Variants in HNF4G observed in about 807,000 individuals in gnomAD.
The protein encoded by HNF4G is hepatocyte nuclear factor 4-gamma.
A neutral mutation model predicts 50.9 loss-of-function variants in HNF4G; 21 were observed. That is an observed-to-expected ratio of 0.41 (90% confidence interval 0.29 to 0.59). The LOEUF is 0.59. HNF4G is among the 20% of genes least tolerant of loss of function. HNF4G has a pLI of 0.26. For synonymous variants in HNF4G, 198 were observed against 185.6 expected, an observed-to-expected ratio of 1.07 and a Z score of -0.54; for missense variants, 527 against 559.4, an observed-to-expected ratio of 0.94 and a Z score of 0.58.
At position 75,539,915 on chromosome 8, in the gene HNF4G, C is replaced by A; in HGVS notation, c.-48C>A. 1.2e-6 allele frequency: 1 copy of A among 845,802 alleles called. No individual in the cohort carries two copies. Among genetic ancestry groups the A allele is most frequent in the South Asian group, 1.4e-5 (1 of 72,266 alleles). 52.4% of individuals were successfully genotyped at this position (845,802 alleles called of 1,614,324 possible). A position where few individuals can be genotyped will look rare whatever the true frequency, so the allele number is the denominator to read the frequency against. Reference sequence around the variant, plus strand: ...AAGCAAAACACATCAAAACACTCATCACGCACTCTGGGCTTGTGGTGCCAC... The same window carrying A: ...AAGCAAAACACATCAAAACACTCATAACGCACTCTGGGCTTGTGGTGCCAC... On this transcript the variant is annotated 5_prime_UTR_variant, in exon 1 of 10. Transcript: ENST00000396423.
rs780868135 is a variant in HNF4G at position 75,558,638 on chromosome 8, C to T, written c.854C>T (p.Ala285Val). The change falls in exon 7 of 10, where the codon GCT (alanine) becomes GTT (valine). Residue 285 changes from alanine to valine, a missense_variant. Ala to Val is a moderately conservative substitution (Grantham distance 64). Coordinates refer to ENST00000396423, the MANE Select transcript of HNF4G (RefSeq NM_004133.5). Reference sequence around the variant, plus strand: ...ATCCAGATTGATGACAATGAGTATGCTTGTTTAAAGGCAATTGTATTTTTT... The same window carrying T: ...ATCCAGATTGATGACAATGAGTATGTTTGTTTAAAGGCAATTGTATTTTTT... ...QEIQIDDNEY[A>V]CLKAIVFFDP... The T allele has an allele frequency of 1.9e-6, 3 of 1,613,742 alleles. No individual in the cohort carries two copies. The highest frequency in any genetic ancestry group is 2.5e-6 in the Non-Finnish European group (3 of 1,179,864).
intron 1 of HNF4G, among the ~76,000 whole-genome samples, chr8:75,434,859 C>G (rs560130824): frequency 1.3e-5 from 2 of 152,118 alleles, no homozygotes; most frequent in Non-Finnish European, 2.9e-5. Flanking sequence ...TCAAAAATAA[C>G]ATTTGAAGAA....
intron 2 of HNF4G, among the ~76,000 whole-genome samples, chr8:75,522,024 T>A (rs921604963): frequency 6.6e-6 from 1 of 152,206 alleles, no homozygotes; most frequent in African/African-American, 2.4e-5. Flanking sequence ...TTTCAACTTA[T>A]GATGAGTTTA....
At chr8:75,492,189 A>C (rs1812647495) in intron 2 of HNF4G, among the ~76,000 whole-genome samples, 1 of 152,108 alleles carries the variant, frequency 6.6e-6, no homozygotes, top group South Asian at 2.1e-4. Flanking sequence ...CAATGTTTCA[A>C]GGCCCAGTTC....
upstream of HNF4G, chr8:75,407,965 G>T (rs1168240099): frequency 6.6e-6 from 1 of 152,036 alleles, no homozygotes; most frequent in Non-Finnish European, 1.5e-5. Context: ...GCCCGCGCAG[G>T]TAAGTTTCTC....
At chr8:75,528,177 A>T (rs1806230638) in intron 2 of HNF4G, among the ~76,000 whole-genome samples, 1 of 152,162 alleles carries the variant, frequency 6.6e-6, no homozygotes. Context: ...AAATGAGGGC[A>T]AGTCCATGGA....
chr8:75,492,091 C>T (rs1299814358), intron 2 of HNF4G, among the ~76,000 whole-genome samples: 2 of 152,208 alleles, frequency 1.3e-5, no homozygotes, highest in East Asian at 1.9e-4. Flanking sequence ...TCCTTACATA[C>T]TGAAGGTAAT....
intron 1 of HNF4G, among the ~76,000 whole-genome samples, chr8:75,466,399 G>A (rs1436481306): frequency 1.3e-5 from 2 of 151,804 alleles, no homozygotes. Flanking sequence ...AGACTGTGCT[G>A]CTGAATTTTA....
intron 1 of HNF4G, among the ~76,000 whole-genome samples, chr8:75,486,941 G>C (rs1212660803): frequency 6.6e-6 from 1 of 152,162 alleles, no homozygotes; most frequent in Non-Finnish European, 1.5e-5. Flanking sequence ...GATCGAGGCG[G>C]CAGTGAGCCG....
intron 1 of HNF4G, among the ~76,000 whole-genome samples, chr8:75,408,855 G>A (rs1585815512): frequency 6.6e-6 from 1 of 152,152 alleles, no homozygotes; most frequent in Admixed American, 6.5e-5. Context: ...GGGATGTCCC[G>A]GAAACTAAAC....
At chr8:75,519,457 T>C (rs1805979433) in intron 2 of HNF4G, among the ~76,000 whole-genome samples, 1 of 152,212 alleles carries the variant, frequency 6.6e-6, no homozygotes, top group South Asian at 2.1e-4. Flanking sequence ...TATTAACCTG[T>C]TCTCATACTG....
chr8:75,500,776 G>A (rs1309539505), intron 2 of HNF4G, among the ~76,000 whole-genome samples: 1 of 152,078 alleles, frequency 6.6e-6, no homozygotes, highest in East Asian at 1.9e-4. Context: ...ACAAAATATT[G>A]TACAATTCCC....
intron 6 of HNF4G, among the ~76,000 whole-genome samples, chr8:75,557,842 A>T (rs982694227): frequency 6.6e-6 from 1 of 152,132 alleles, no homozygotes; most frequent in African/African-American, 2.4e-5. Flanking sequence ...AGCTATAAAA[A>T]TTTTCATCAT....
chr8:75,454,638 C>A (rs560781004), intron 1 of HNF4G, among the ~76,000 whole-genome samples: 1 of 152,294 alleles, frequency 6.6e-6, no homozygotes, highest in African/African-American at 2.4e-5. Flanking sequence ...GCCTCTTCTC[C>A]CTATTTGCTC....
intron 1 of HNF4G, among the ~76,000 whole-genome samples, chr8:75,482,386 G>C (rs553826118): frequency 2.7e-5 from 4 of 150,850 alleles, no homozygotes; most frequent in African/African-American, 9.7e-5. Flanking sequence ...TCCATTTTTA[G>C]AAGGAGTCTC....
rs145137527 is a variant in HNF4G at position 75,472,114 on chromosome 8, C to T, written c.-143-17975C>T. ...TTGAAAGTGTTTCCCTTTCTTTCAT[C>T]CTTCCTCCCTACCTCTTACCACTCC... is the stretch of plus-strand genomic sequence containing the variant. On this transcript the variant is annotated intron_variant, in intron 1 of 10. Coordinates refer to the HNF4G transcript ENST00000354370. Among the ~76,000 whole-genome samples the T allele has an allele frequency of 4.3e-3, 654 of 152,206 alleles. 4 individuals are homozygous for T. Among genetic ancestry groups the T allele is most frequent in the Non-Finnish European group, 5.6e-3 (379 of 68,008 alleles).
chr8:75,519,351 C>T (rs1405733433), intron 2 of HNF4G, among the ~76,000 whole-genome samples: 1 of 152,244 alleles, frequency 6.6e-6, no homozygotes, highest in African/African-American at 2.4e-5. Flanking sequence ...GCCCTCCAAA[C>T]TGTTCCAGCC....
At chr8:75,462,628 TTAA>T (rs1462314672) in intron 1 of HNF4G, among the ~76,000 whole-genome samples, 1 of 152,220 alleles carries the variant, frequency 6.6e-6, no homozygotes, top group African/African-American at 2.4e-5. Context: ...TATTTTGATA[TTAA>T]TATGTCAATA....
intron 2 of HNF4G, among the ~76,000 whole-genome samples, chr8:75,544,770 C>T (rs1312796700): frequency 6.6e-6 from 1 of 151,648 alleles, no homozygotes; most frequent in Middle Eastern, 3.2e-3. Context: ...TGAATATAGG[C>T]TATTAACAAA....
Sources: allele counts gnomAD v4.1 joint callset (sites outside exome capture counted in the v4.1 genomes callset), GRCh38; gene constraint gnomAD v4.1.1; transcripts MANE v1.5; gene names NCBI Gene and HGNC (gene_info 2026-07-23, HGNC 2026-07-21).